NIPAL1: variants seen among roughly 807,000 people sequenced by gnomAD.
NIPAL1 encodes the protein NIPA like domain containing 1.
A neutral mutation model predicts 37.7 loss-of-function variants in NIPAL1; 35 were observed. The observed-to-expected ratio is 0.93, with a 90% CI of 0.71 to 1.23. The LOEUF (loss-of-function observed/expected upper bound fraction) is 1.23. Among genes scored for constraint, NIPAL1 ranks in the 50% most tolerant of loss-of-function variants. The pLI is 0.00. For synonymous variants in NIPAL1, 162 were observed against 183.0 expected, an observed-to-expected ratio of 0.89 and a Z score of 0.93; for missense variants, 412 against 473.9, an observed-to-expected ratio of 0.87 and a Z score of 1.21.
intron 2 of NIPAL1, among the ~76,000 whole-genome samples, chr4:48,026,020 G>C (rs1166080669): frequency 4.6e-5 from 7 of 151,970 alleles, no homozygotes; most frequent in Non-Finnish European, 1.0e-4. Context: ...TCCTCTCACA[G>C]CAGGTCTCCC....
Position 48,027,705 on chromosome 4 carries a change from T to C in NIPAL1, c.313+2371T>C, listed in dbSNP as rs1451020910. Among the ~76,000 whole-genome samples, 1 of 152,208 alleles carries C rather than the reference T, an allele frequency of 6.6e-6. No homozygotes were observed. Among genetic ancestry groups the C allele is most frequent in the Non-Finnish European group, 1.5e-5 (1 of 68,022 alleles). On this transcript the variant is annotated intron_variant, in intron 2 of 5. Transcript: ENST00000295461. This position sits in a 1 kb window ranked among gnomAD's most constrained non-coding sequence, Gnocchi z 4.1. ...ACTCCATTTTCTATAGTAAATATAATGACAAAGTCACAGATTAGAGTAGTA... is the reference window on the plus strand; with the variant it reads ...ACTCCATTTTCTATAGTAAATATAACGACAAAGTCACAGATTAGAGTAGTA...
At position 48,025,282 on chromosome 4, in the gene NIPAL1, A is replaced by T; in HGVS notation, c.261A>T (p.Ile87=). ...SSSIFIGSSF[I]LKKKGLLQLA... is the part of the protein sequence containing the mutation. Reference sequence around the variant, plus strand: ...GTATTTTTATTGGCTCCAGCTTCATACTGAAAAAGAAGGGCCTCTTGCAAC... The same window carrying T: ...GTATTTTTATTGGCTCCAGCTTCATTCTGAAAAAGAAGGGCCTCTTGCAAC... The change falls in exon 2 of 6, where the codon ATA becomes ATT. Residue 87 remains isoleucine (I), a synonymous_variant. Transcript: ENST00000295461. The T allele has an allele frequency of 1.2e-6, 2 of 1,614,216 alleles. No individual in the cohort carries two copies. The highest frequency in any genetic ancestry group is 1.7e-6 in the Non-Finnish European group (2 of 1,180,022).
intron 3 of NIPAL1, among the ~76,000 whole-genome samples, chr4:48,032,650 T>G (rs1715846971): frequency 6.6e-6 from 1 of 152,184 alleles, no homozygotes; most frequent in South Asian, 2.1e-4. Flanking sequence ...GTGAAATAAT[T>G]CTCTGCTTAC....
chr4:48,032,715 T>A (rs975329673), intron 3 of NIPAL1, among the ~76,000 whole-genome samples: 1 of 152,234 alleles, frequency 6.6e-6, no homozygotes, highest in Non-Finnish European at 1.5e-5. Flanking sequence ...TCTTCAATAT[T>A]GAAGTAGCTA....
Position 48,035,853 on chromosome 4 carries a change from T to C in NIPAL1, c.914T>C (p.Leu305Pro). 6.2e-7 allele frequency: 1 copy of C among 1,614,096 alleles called. No individual in the cohort carries two copies. Among genetic ancestry groups the C allele is most frequent in the Non-Finnish European group, 8.5e-7 (1 of 1,179,944 alleles). Residue 305 changes from leucine to proline, a missense_variant, in exon 6 of 6, where the codon CTT becomes CCT. Coordinates refer to ENST00000295461, the MANE Select transcript of NIPAL1 (RefSeq NM_207330.3). ...NKALDTFNTSLVTPIYYVFFT... is the reference protein window; with the variant it reads ...NKALDTFNTSPVTPIYYVFFT... ...GCACTGGACACCTTTAATACCTCTC[T>C]TGTGACACCCATTTATTATGTATTC...
Position 48,025,170 on chromosome 4 carries a change from A to G in NIPAL1, c.149A>G (p.Asn50Ser). 6.2e-7 allele frequency: 1 copy of G among 1,614,236 alleles called. No homozygotes were observed. The highest frequency in any genetic ancestry group is 8.5e-7 in the Non-Finnish European group (1 of 1,180,024). Residue 50 changes from asparagine (N) to serine (S), a missense_variant, in exon 2 of 6, where the codon AAT becomes AGT. Asn to Ser is a conservative substitution (Grantham distance 46). Coordinates refer to ENST00000295461, the MANE Select transcript of NIPAL1 (RefSeq NM_207330.3). ...LASPVLYTDLNYSINNLSISA... is the reference protein window; with the variant it reads ...LASPVLYTDLSYSINNLSISA... ...TCTCCTGTGCTCTACACGGACCTGAATTACAGCATAAACAACTTGAGCATT... is the reference window on the plus strand; with the variant it reads ...TCTCCTGTGCTCTACACGGACCTGAGTTACAGCATAAACAACTTGAGCATT...
chr4:48,034,826 T>C, intron 4 of NIPAL1, 55 bp from the exon 5 acceptor site: 3 of 1,391,140 alleles, frequency 2.2e-6, no homozygotes, highest in Non-Finnish European at 3.0e-6. Context: ...TGAGCTGCCA[T>C]GGGATCAAAA....
chr4:48,031,247 T>TAA (rs1320489954), intron 3 of NIPAL1, among the ~76,000 whole-genome samples: 2 of 152,120 alleles, frequency 1.3e-5, no homozygotes, highest in African/African-American at 4.8e-5. Context: ...GTATTTTTAG[T>TAA]AGAGACAAGT....
chr4:48,030,077 T>A, intron 2 of NIPAL1, 43 bp from the exon 3 acceptor site: 1 of 1,191,368 alleles, frequency 8.4e-7, no homozygotes, highest in East Asian at 2.3e-5. Flanking sequence ...CTTCCTCCAG[T>A]GTAGAACCCA....
At position 48,035,881 on chromosome 4, in the gene NIPAL1, C is replaced by G; in HGVS notation, c.942C>G (p.Phe314Leu). The change falls in exon 6 of 6, where the codon TTC (phenylalanine) becomes TTG (leucine). Residue 314 changes from phenylalanine (F) to leucine (L), a missense_variant. Physicochemically the swap from Phe to Leu is conservative, Grantham distance 22. Coordinates refer to ENST00000295461, the MANE Select transcript of NIPAL1 (RefSeq NM_207330.3). Reference protein sequence around the residue: ...SLVTPIYYVFFTSMVVTCSAI... With the variant: ...SLVTPIYYVFLTSMVVTCSAI... ...TGACACCCATTTATTATGTATTCTT[C>G]ACATCCATGGTAGTGACTTGCTCTG... is the stretch of plus-strand genomic sequence containing the variant. 1 of 1,613,902 alleles carries G rather than the reference C, an allele frequency of 6.2e-7. No individual in the cohort carries two copies. Among genetic ancestry groups the G allele is most frequent in the Non-Finnish European group, 8.5e-7 (1 of 1,179,826 alleles).
At chr4:48,017,083 G>C (rs1424592232) in intron 1 of NIPAL1, among the ~76,000 whole-genome samples, 198 bp downstream of exon 1, 1 of 152,246 alleles carries the variant, frequency 6.6e-6, no homozygotes, top group Non-Finnish European at 1.5e-5. Flanking sequence ...AGGCGATTCG[G>C]GCTGTGCTGG....
At position 48,039,988 on chromosome 4, in the gene NIPAL1, T is replaced by C. The variant is rs1248615071; in HGVS notation, c.*3816T>C. On this transcript the variant is annotated 3_prime_UTR_variant, in exon 6 of 6. Transcript: ENST00000295461. ...AAACCAGAAAAACTGAACTAAATGC[T>C]ATTTAGCCCCGCCAACAAAGCTTTG... 1 of 152,210 alleles carries C rather than the reference T, an allele frequency of 6.6e-6. No homozygotes were observed. Among genetic ancestry groups the C allele is most frequent in the Non-Finnish European group, 1.5e-5 (1 of 68,030 alleles). The allele number at this position is 152,210 out of a possible 1,614,324, so 9.4% of individuals were successfully genotyped here.
In NIPAL1 at chr4:48,027,199, A is replaced by G. The variant is rs2109368538; in HGVS notation, c.313+1865A>G. Among the ~76,000 whole-genome samples the G allele has an allele frequency of 6.6e-6, 1 of 152,332 alleles. No homozygotes were observed. The highest frequency in any genetic ancestry group is 2.4e-5 in the African/African-American group (1 of 41,574). On this transcript the variant is annotated intron_variant, in intron 2 of 5. Coordinates refer to ENST00000295461, the MANE Select transcript of NIPAL1 (RefSeq NM_207330.3). The surrounding 1 kb of genome is among the most constrained non-coding windows in gnomAD (Gnocchi z 4.1). ...AATATGATGAAATATGTGACAAAGT[A>G]TAGTTTCATAATATATAAAAAGTGA...
Position 48,035,743 on chromosome 4 carries a change from G to T in NIPAL1, c.804G>T (p.Lys268Asn), listed in dbSNP as rs549915305. The change falls in exon 6 of 6, where the codon AAG (lysine) becomes AAT (asparagine). Residue 268 changes from lysine (K) to asparagine (N), a missense_variant. Physicochemically the swap from Lys to Asn is moderately conservative, Grantham distance 94. Coordinates refer to ENST00000295461, the MANE Select transcript of NIPAL1 (RefSeq NM_207330.3). ...CCATTAAGGAGCTGATAGAATGGAA[G>T]CCAGTTTACAAACATCCGCTGGTCT... ...GIAIKELIEW[K>N]PVYKHPLVFV... is the part of the protein sequence containing the mutation. The T allele has an allele frequency of 6.2e-7, 1 of 1,614,150 alleles. No individual in the cohort carries two copies. The highest frequency in any genetic ancestry group is 1.7e-5 in the Admixed American group (1 of 60,026).
rs746972281 is a variant in NIPAL1, at chr4:48,035,940, C to T, written c.1001C>T (p.Ala334Val). ...ILFQEWYGMT[A>V]GDIIGTLSGF... The stretch of plus-strand genomic sequence containing the variant: ...TTCCAAGAGTGGTATGGCATGACAG[C>T]TGGAGATATCATTGGGACCCTGAGT... The change falls in exon 6 of 6, where the codon GCT becomes GTT. Residue 334 changes from alanine (A) to valine (V), a missense_variant. Coordinates refer to ENST00000295461, the MANE Select transcript of NIPAL1 (RefSeq NM_207330.3). The T allele has an allele frequency of 2.8e-4, 453 of 1,613,888 alleles. No homozygotes were observed. Among genetic ancestry groups the T allele is most frequent in the Non-Finnish European group, 3.7e-4 (431 of 1,179,830 alleles).
intron 3 of NIPAL1, among the ~76,000 whole-genome samples, chr4:48,032,394 A>G (rs924938355): frequency 6.6e-6 from 1 of 152,230 alleles, no homozygotes; most frequent in African/African-American, 2.4e-5. Flanking sequence ...AGTTCCTCAG[A>G]TAAGAAAAAG....
In NIPAL1 at chr4:48,034,898, A is replaced by G. The variant is rs1715891742; in HGVS notation, c.479A>G (p.Tyr160Cys). ...SVLISAILSS[Y>C]FLNEHLNIHG... is the part of the protein sequence containing the mutation. ...CCCAACAGTGCAATATTATCTTCCT[A>G]CTTTTTAAACGAGCACTTGAACATT... The change falls in exon 5 of 6, where the codon TAC becomes TGC. Residue 160 changes from tyrosine (Y) to cysteine (C), a missense_variant. Physicochemically the swap from Tyr to Cys is radical, Grantham distance 194. Transcript: ENST00000295461. 1 of 1,612,976 alleles carries G rather than the reference A, an allele frequency of 6.2e-7. No homozygotes were observed. Among genetic ancestry groups the G allele is most frequent in the Non-Finnish European group, 8.5e-7 (1 of 1,179,134 alleles).
rs1426764629 is a variant in NIPAL1 at position 48,027,856 on chromosome 4, T to C, written c.314-2264T>C. ...CATCTGCCCAATGCTTGTTATTCTCTCATTGACTAATCCAAACTCTCAAAA... is the reference window on the plus strand; with the variant it reads ...CATCTGCCCAATGCTTGTTATTCTCCCATTGACTAATCCAAACTCTCAAAA... On this transcript the variant is annotated intron_variant, in intron 2 of 5. Transcript: ENST00000295461. The surrounding 1 kb of genome is among the most constrained non-coding windows in gnomAD (Gnocchi z 4.1). Among the ~76,000 whole-genome samples the C allele has an allele frequency of 6.6e-6, 1 of 152,208 alleles. No individual in the cohort carries two copies. The highest frequency in any genetic ancestry group is 1.9e-4 in the East Asian group (1 of 5,198).
chr4:48,036,050 G>C lies in NIPAL1; in HGVS notation c.1111G>C (p.Ala371Pro), dbSNP rs1242376193. The C allele has an allele frequency of 1.2e-6, 2 of 1,610,118 alleles. No individual in the cohort carries two copies. The highest frequency in any genetic ancestry group is 1.7e-6 in the Non-Finnish European group (2 of 1,179,228). ...DITWSELTST[A>P]KKEAVSLNVN... Reference sequence around the variant, plus strand: ...TACTTGGAGTGAGCTTACATCCACTGCTAAGAAAGAAGCCGTCTCTCTGAA... The same window carrying C: ...TACTTGGAGTGAGCTTACATCCACTCCTAAGAAAGAAGCCGTCTCTCTGAA... The change falls in exon 6 of 6, where the codon GCT becomes CCT. Residue 371 changes from alanine to proline, a missense_variant. By Grantham distance (27) the Ala-to-Pro change is conservative. Coordinates refer to ENST00000295461, the MANE Select transcript of NIPAL1 (RefSeq NM_207330.3).
Sources: gnomAD v4.1 joint callset for allele counts (sites outside exome capture counted in the v4.1 genomes callset) on GRCh38, gnomAD v4.1.1 for gene constraint, Gnocchi (gnomAD v3.1) non-coding constraint, MANE v1.5 for transcripts, NCBI Gene and HGNC (gene_info 2026-07-23, HGNC 2026-07-21) for gene names.